The following SPRED1 variants were observed in gnomAD, a reference collection of about 807,000 sequenced individuals.
SPRED1 encodes sprouty-related, EVH1 domain-containing protein 1.
Under a neutral mutation model 52.3 loss-of-function variants are expected in SPRED1, and 18 were observed. That is an observed-to-expected ratio of 0.34 (90% CI 0.24 to 0.51). The LOEUF (loss-of-function observed/expected upper bound fraction) is 0.51, where lower values mean the gene tolerates loss of function less well. SPRED1 is among the 20% of genes least tolerant of loss of function. The pLI is 0.97. For missense variants in SPRED1, 485 were observed against 551.0 expected (o/e 0.88, Z 1.20); for synonymous variants, 155 against 179.7 (o/e 0.86, Z 1.10).
At chr15:38,326,344 A>G (rs1167549852) in intron 4 of SPRED1, 2 of 152,218 alleles carry the variant, frequency 1.3e-5, no homozygotes, top group African/African-American at 4.8e-5. Context: ...GAGAGAAGTA[A>G]GCTAAGGAAG....
intron 2 of SPRED1, among the ~76,000 whole-genome samples, chr15:38,302,717 C>T (rs1895171276): frequency 1.3e-5 from 2 of 152,168 alleles, no homozygotes; most frequent in South Asian, 2.1e-4. Context: ...GAAAGCACTG[C>T]TCTGCATAAT....
intron 2 of SPRED1, among the ~76,000 whole-genome samples, chr15:38,300,278 G>A (rs998814442): frequency 1.3e-5 from 2 of 151,976 alleles, no homozygotes; most frequent in Admixed American, 6.6e-5. Context: ...GATTACATCC[G>A]AAAAGCTGAG....
In SPRED1 at chr15:38,346,877, A is replaced by G. The variant is rs74728325; in HGVS notation, c.583-2545A>G. ...ATTGAGTATTTGAAAGACTTCGGAA[A>G]TAACTGTGATTGTTCCTTTACAAAT... is the stretch of plus-strand genomic sequence containing the variant. On this transcript the variant is annotated intron_variant, in intron 5 of 6. Transcript: ENST00000299084. Among the ~76,000 whole-genome samples the G allele has an allele frequency of 3.5e-4, 53 of 152,344 alleles. No individual in the cohort carries two copies. The East Asian group carries it at 8.5e-3, about 24-fold the overall frequency.
At chr15:38,277,649 C>T (rs1013325650) in intron 1 of SPRED1, among the ~76,000 whole-genome samples, 1 of 152,198 alleles carries the variant, frequency 6.6e-6, no homozygotes, top group Non-Finnish European at 1.5e-5. Context: ...AATGAAGTTG[C>T]TGGCTTGAAT....
intron 2 of SPRED1, among the ~76,000 whole-genome samples, chr15:38,312,907 A>G (rs1385403242): frequency 6.6e-6 from 1 of 151,678 alleles, no homozygotes; most frequent in Non-Finnish European, 1.5e-5. Context: ...GTCTTTGCAA[A>G]TAATCAGCTG....
intron 2 of SPRED1, among the ~76,000 whole-genome samples, chr15:38,310,098 A>G (rs1395480781): frequency 4.5e-5 from 4 of 89,466 alleles, no homozygotes; most frequent in Non-Finnish European, 1.0e-4. Flanking sequence ...TTTTCCATAT[A>G]AATTTTAGAC....
At position 38,351,574 on chromosome 15, in the gene SPRED1, A is replaced by G. The variant is rs934682906; in HGVS notation, c.1245A>G (p.Pro415=). The change falls in exon 7 of 7, where the codon CCA becomes CCG. Residue 415 remains proline (P), a synonymous_variant. Coordinates refer to ENST00000299084, the MANE Select transcript of SPRED1 (RefSeq NM_152594.3). ...TGGTAGCTTTGTCTTTCATTGTACC[A>G]TGTATGTGCTGCTACGTCCCTTTGA... ...LALVALSFIV[P]CMCCYVPLRM... The G allele has an allele frequency of 8.7e-6, 14 of 1,613,996 alleles. No homozygotes were observed. Among genetic ancestry groups the G allele is most frequent in the African/African-American group, 1.3e-5 (1 of 74,916 alleles).
chr15:38,320,937 T>C (rs185874433), intron 2 of SPRED1, among the ~76,000 whole-genome samples: 2 of 152,320 alleles, frequency 1.3e-5, no homozygotes, highest in African/African-American at 2.4e-5. Context: ...GAATGGATCC[T>C]ATACTGGAAG....
At chr15:38,347,450 C>A (rs1193129559) in intron 5 of SPRED1, among the ~76,000 whole-genome samples, 2 of 123,014 alleles carry the variant, frequency 1.6e-5, no homozygotes, top group African/African-American at 2.9e-5. Context: ...ACTTTGTTTT[C>A]CCGCTTGGAT....
intron 1 of SPRED1, among the ~76,000 whole-genome samples, chr15:38,297,383 G>A (rs567460427): frequency 1.3e-5 from 2 of 152,306 alleles, no homozygotes; most frequent in East Asian, 1.9e-4. Flanking sequence ...TGCTCCCACT[G>A]CCTCTTAAGA....
At chr15:38,334,338 C>T (rs1000086004) in intron 4 of SPRED1, among the ~76,000 whole-genome samples, 24 of 151,948 alleles carry the variant, frequency 1.6e-4, no homozygotes, top group African/African-American at 4.6e-4. Flanking sequence ...GGTGCTAATA[C>T]AGAGAAACAC....
intron 1 of SPRED1, among the ~76,000 whole-genome samples, chr15:38,296,012 T>C (rs886237745): frequency 5.3e-5 from 8 of 152,178 alleles, no homozygotes; most frequent in African/African-American, 1.2e-4. Context: ...GTGCAGTGTA[T>C]GGTTAGAGTC....
At chr15:38,263,985 AG>A (rs1167572292) in intron 1 of SPRED1, among the ~76,000 whole-genome samples, 1 of 152,220 alleles carries the variant, frequency 6.6e-6, no homozygotes, top group African/African-American at 2.4e-5. Context: ...GTCATAGAGT[AG>A]ATGCTAGTCA....
chr15:38,334,925 A>C (rs568424439), intron 4 of SPRED1, among the ~76,000 whole-genome samples: 15 of 151,304 alleles, frequency 9.9e-5, no homozygotes, highest in African/African-American at 2.9e-4. Context: ...ATCAAATTGC[A>C]CTCTCACCAA....
chr15:38,303,885 A>G (rs1359313036), intron 2 of SPRED1, among the ~76,000 whole-genome samples: 1 of 152,128 alleles, frequency 6.6e-6, no homozygotes, highest in African/African-American at 2.4e-5. Context: ...TGACAAAGAT[A>G]ATGTGGAAAT....
At chr15:38,350,897 T>A (rs762047423) in intron 6 of SPRED1, 117 bp from the exon 7 acceptor site, 1 of 1,076,368 alleles carries the variant, frequency 9.3e-7, no homozygotes, top group African/African-American at 1.6e-5. Flanking sequence ...CAAAAACATA[T>A]CATAGAAATG....
At chr15:38,265,617 A>G (rs1894291957) in intron 1 of SPRED1, among the ~76,000 whole-genome samples, 1 of 152,094 alleles carries the variant, frequency 6.6e-6, no homozygotes, top group Non-Finnish European at 1.5e-5. Flanking sequence ...ACTAGCTCTA[A>G]GTAGTTTTTT....
In SPRED1 at chr15:38,351,416, A is replaced by G. The variant is rs764768156; in HGVS notation, c.1087A>G (p.Ile363Val). 4 of 1,614,062 alleles carry G rather than the reference A, an allele frequency of 2.5e-6. No individual in the cohort carries two copies. The highest frequency in any genetic ancestry group is 4.5e-5 in the East Asian group (2 of 44,898). The change falls in exon 7 of 7, where the codon ATA (isoleucine) becomes GTA (valine). Residue 363 changes from isoleucine to valine, a missense_variant. Transcript: ENST00000299084. ...TGCTCCAGACCCTATTAAAAGATGC[A>G]TATATCAAGTTAGTTGCATGCTCTG... is the stretch of plus-strand genomic sequence containing the variant. The part of the protein sequence containing the change: ...QDAPDPIKRC[I>V]YQVSCMLCAE...
intron 1 of SPRED1, among the ~76,000 whole-genome samples, chr15:38,288,730 A>G (rs1411828915): frequency 1.3e-5 from 2 of 152,192 alleles, no homozygotes; most frequent in Non-Finnish European, 2.9e-5. Context: ...TATAGCCATT[A>G]TAAGATTTCA....
Sources: gnomAD v4.1 joint callset for allele counts (sites outside exome capture counted in the v4.1 genomes callset) on GRCh38, gnomAD v4.1.1 for gene constraint, MANE v1.5 for transcripts, NCBI Gene and HGNC (gene_info 2026-07-23, HGNC 2026-07-21) for gene names.